Variants in EFNA5 observed in about 807,000 individuals in gnomAD.
EFNA5 encodes the protein ephrin-A5.
A neutral mutation model predicts 22.9 loss-of-function variants in EFNA5; 5 were observed. The ratio of observed to expected loss-of-function variants is 0.22; its 90% confidence interval spans 0.11 to 0.46. EFNA5 has a LOEUF of 0.46. EFNA5 is among the 20% of genes least tolerant of loss of function. The pLI, the probability that EFNA5 is intolerant of heterozygous loss-of-function variation, is 0.99. For synonymous variants in EFNA5, 113 were observed against 112.2 expected (o/e 1.01, Z -0.04); for missense variants, 237 against 293.3 (o/e 0.81, Z 1.40).
intron 1 of EFNA5, among the ~76,000 whole-genome samples, chr5:107,611,912 T>G (rs1749825122): frequency 6.6e-6 from 1 of 152,260 alleles, no homozygotes; most frequent in African/African-American, 2.4e-5. Context: ...TTATTTCAAA[T>G]CATTTTCTCT....
At chr5:107,522,869 A>G (rs372805468) in intron 1 of EFNA5, among the ~76,000 whole-genome samples, 4 of 152,154 alleles carry the variant, frequency 2.6e-5, no homozygotes, top group African/African-American at 7.2e-5. Flanking sequence ...TTGTTTATTC[A>G]GTTACTTGAA....
chr5:107,567,372 G>A (rs552268463), intron 1 of EFNA5, among the ~76,000 whole-genome samples: 54 of 152,298 alleles, frequency 3.5e-4, no homozygotes, highest in African/African-American at 1.2e-3. Flanking sequence ...AACAACCCTG[G>A]CTTCCAGTTT....
chr5:107,510,293 C>T (rs1248607233), intron 1 of EFNA5, among the ~76,000 whole-genome samples: 2 of 152,212 alleles, frequency 1.3e-5, no homozygotes, highest in African/African-American at 2.4e-5. Flanking sequence ...GGAAGTTACC[C>T]TACATGGTCT....
chr5:107,660,277 T>TAA (rs2112559914), intron 1 of EFNA5, among the ~76,000 whole-genome samples: 1 of 39,532 alleles, frequency 2.5e-5, no homozygotes, highest in Non-Finnish European at 4.9e-5. Flanking sequence ...TATATATATA[T>TAA]ATATATATAT....
rs1027081790 is a variant in EFNA5 at position 107,570,052 on chromosome 5, T to C, written c.125+100437A>G. On this transcript the variant is annotated intron_variant, in intron 1 of 4. Coordinates refer to ENST00000333274, the MANE Select transcript of EFNA5 (RefSeq NM_001962.3). The stretch of plus-strand genomic sequence containing the variant: ...AAGCTGACATAGCATGACCAAGACC[T>C]ACTTAAAAGCTGGCTGTATCTGTTT... Among the ~76,000 whole-genome samples the C allele has an allele frequency of 1.2e-4, 18 of 152,248 alleles. No individual in the cohort carries two copies. The East Asian group carries it at 2.9e-3, about 25-fold the overall frequency.
intron 1 of EFNA5, among the ~76,000 whole-genome samples, chr5:107,585,006 G>C (rs189810686): frequency 2.1e-4 from 32 of 152,176 alleles, no homozygotes; most frequent in East Asian, 1.7e-3. Context: ...AATATTCCCT[G>C]GTCAGTAGGG....
At chr5:107,654,655 A>G (rs1001461303) in intron 1 of EFNA5, among the ~76,000 whole-genome samples, 2 of 152,178 alleles carry the variant, frequency 1.3e-5, no homozygotes, top group Admixed American at 6.6e-5. Flanking sequence ...ACAACTGTCC[A>G]AAGTTAAAAT....
intron 1 of EFNA5, among the ~76,000 whole-genome samples, chr5:107,630,778 T>G (rs1388602029): frequency 6.6e-6 from 1 of 152,236 alleles, no homozygotes; most frequent in East Asian, 1.9e-4. Context: ...ACCACTTAGC[T>G]TGAAACACAA....
At chr5:107,617,193 T>A (rs1411712611) in intron 1 of EFNA5, among the ~76,000 whole-genome samples, 1 of 142,122 alleles carries the variant, frequency 7.0e-6, no homozygotes, top group African/African-American at 2.7e-5. Context: ...ACATTACACA[T>A]ACTTACATGT....
At chr5:107,509,279 C>T (rs1384522503) in intron 1 of EFNA5, among the ~76,000 whole-genome samples, 3 of 151,640 alleles carry the variant, frequency 2.0e-5, no homozygotes. Context: ...AGAACCAACA[C>T]AAAAGAGCAA....
intron 1 of EFNA5, among the ~76,000 whole-genome samples, chr5:107,539,122 A>G (rs1199283740): frequency 6.6e-6 from 1 of 152,238 alleles, no homozygotes; most frequent in Non-Finnish European, 1.5e-5. Flanking sequence ...CTGCCTGGAA[A>G]CACTGGGTTC....
At chr5:107,600,391 G>T (rs2112511667) in intron 1 of EFNA5, among the ~76,000 whole-genome samples, 1 of 152,296 alleles carries the variant, frequency 6.6e-6, no homozygotes, top group South Asian at 2.1e-4. Context: ...GTTGGCCACT[G>T]ATGACTATTC....
chr5:107,476,214 G>A (rs1055419105), intron 1 of EFNA5, among the ~76,000 whole-genome samples: 5 of 149,982 alleles, frequency 3.3e-5, no homozygotes, highest in Admixed American at 2.7e-4. Flanking sequence ...ACCACGCCCA[G>A]CTAATTTTTT....
chr5:107,480,010 A>G (rs1008441498), intron 1 of EFNA5, among the ~76,000 whole-genome samples: 9 of 152,246 alleles, frequency 5.9e-5, no homozygotes, highest in African/African-American at 1.9e-4. Flanking sequence ...CCAAAACTCA[A>G]TTGAAATCAT....
intron 2 of EFNA5, among the ~76,000 whole-genome samples, chr5:107,388,242 C>T (rs1747689973): frequency 6.6e-6 from 1 of 152,156 alleles, no homozygotes. Flanking sequence ...TGACCTATTT[C>T]TGCTGGGGAA....
intron 2 of EFNA5, among the ~76,000 whole-genome samples, chr5:107,406,388 G>C (rs1748222034): frequency 6.6e-6 from 1 of 151,858 alleles, no homozygotes; most frequent in Non-Finnish European, 1.5e-5. Context: ...CCTTCTTGGT[G>C]CTTCTCCAGG....
chr5:107,439,908 C>A (rs1285504167), intron 1 of EFNA5, among the ~76,000 whole-genome samples: 1 of 152,102 alleles, frequency 6.6e-6, no homozygotes, highest in East Asian at 1.9e-4. Flanking sequence ...ATTCTAGGGG[C>A]AAAAGAAACC....
At chr5:107,519,935 G>A (rs535756511) in intron 1 of EFNA5, among the ~76,000 whole-genome samples, 5 of 152,300 alleles carry the variant, frequency 3.3e-5, no homozygotes, top group Non-Finnish European at 5.9e-5. Flanking sequence ...CAGCGACAAA[G>A]CACAATGACT....
chr5:107,420,541 G>GA lies in EFNA5; in HGVS notation c.418+6675dup, dbSNP rs796180925. Among the ~76,000 whole-genome samples the GA allele has an allele frequency of 8.8e-3, 1,012 of 114,614 alleles. 6 individuals are homozygous for GA. The highest frequency in any genetic ancestry group is 0.034 in the Middle Eastern group (8 of 238). The allele number at this position is 114,614 out of a possible 152,430, so 75.2% of individuals were successfully genotyped here. ...TGCTTTTAAAAAAAAAAAAAAAAAAGAAAAAAAAAAAAGAAAAAAAACACA... is the reference window on the plus strand; with the variant it reads ...TGCTTTTAAAAAAAAAAAAAAAAAAGAAAAAAAAAAAAAGAAAAAAAACACA... On this transcript the variant is annotated intron_variant, in intron 2 of 4. Coordinates refer to ENST00000333274, the MANE Select transcript of EFNA5 (RefSeq NM_001962.3).
Sources: gnomAD v4.1 joint callset for allele counts (sites outside exome capture counted in the v4.1 genomes callset) on GRCh38, gnomAD v4.1.1 for gene constraint, MANE v1.5 for transcripts, NCBI Gene and HGNC (gene_info 2026-07-23, HGNC 2026-07-21) for gene names.